Variants in TNIK observed in about 807,000 individuals in gnomAD.
TNIK encodes TRAF2 and NCK interacting kinase.
In TNIK, 49 loss-of-function variants were observed where a neutral mutation model predicts 191.3. That is an observed-to-expected ratio of 0.26 (90% confidence interval 0.20 to 0.32). TNIK has a LOEUF of 0.32. Among genes scored for constraint, TNIK ranks in the 10% least tolerant of loss-of-function variants. The probability of loss-of-function intolerance (pLI) is 1.00; values close to 1 mark genes in which losing one functional copy is unlikely to be tolerated. For synonymous variants in TNIK, 594 were observed against 600.9 expected (o/e 0.99, Z 0.17); for missense variants, 1,155 against 1,702.3 (o/e 0.68, Z 5.66).
intron 1 of TNIK, among the ~76,000 whole-genome samples, chr3:171,428,344 T>A (rs1016721452): frequency 2.0e-5 from 3 of 151,794 alleles, no homozygotes; most frequent in East Asian, 1.9e-4. Flanking sequence ...AAGAGAGGAG[T>A]CAAAGTTACT....
chr3:171,393,267 G>A (rs2108553235), intron 1 of TNIK, among the ~76,000 whole-genome samples: 1 of 152,326 alleles, frequency 6.6e-6, no homozygotes, highest in South Asian at 2.1e-4. Flanking sequence ...CTCGCGGTCA[G>A]TGCAGACCCA....
intron 2 of TNIK, among the ~76,000 whole-genome samples, chr3:171,303,803 G>A (rs1470793936): frequency 6.6e-6 from 1 of 152,164 alleles, no homozygotes; most frequent in Non-Finnish European, 1.5e-5. Flanking sequence ...GACTCCACCT[G>A]TTTTCTGGTG....
chr3:171,369,745 C>A (rs1294791964), intron 1 of TNIK, 60 bp from the exon 2 acceptor site: 9 of 1,363,700 alleles, frequency 6.6e-6, no homozygotes, highest in Middle Eastern at 1.8e-4. Context: ...TTGCCTTAAT[C>A]AAAAGCAAAT....
intron 21 of TNIK, 39 bp from the exon 22 acceptor site, chr3:171,101,672 T>TA (rs1378109405): frequency 6.3e-7 from 1 of 1,597,374 alleles, no homozygotes; most frequent in African/African-American, 1.4e-5. Flanking sequence ...GAGTGGTAGA[T>TA]ACGACCAAAG....
At chr3:171,120,135 C>T (rs1727432555) in intron 18 of TNIK, among the ~76,000 whole-genome samples, 1 of 152,106 alleles carries the variant, frequency 6.6e-6, no homozygotes, top group Non-Finnish European at 1.5e-5. Flanking sequence ...GTCTTCTCTT[C>T]AGGGTACTAA....
At chr3:171,376,111 T>G (rs1021352742) in intron 1 of TNIK, among the ~76,000 whole-genome samples, 2 of 152,220 alleles carry the variant, frequency 1.3e-5, no homozygotes, top group South Asian at 4.1e-4. Context: ...AGCAGCTGTT[T>G]TGTTTGGTTT....
intron 5 of TNIK, among the ~76,000 whole-genome samples, chr3:171,191,452 G>T (rs765170102): frequency 1.1e-4 from 17 of 152,164 alleles, no homozygotes; most frequent in Non-Finnish European, 1.8e-4. Flanking sequence ...TGGCCAGGCT[G>T]GTCTTGAACT....
chr3:171,405,110 T>G (rs573936989), intron 1 of TNIK, among the ~76,000 whole-genome samples: 1 of 152,222 alleles, frequency 6.6e-6, no homozygotes, highest in African/African-American at 2.4e-5. Flanking sequence ...GATGAGGAAA[T>G]GTAGGCAGAG....
chr3:171,421,531 C>T (rs1020457927), intron 1 of TNIK, among the ~76,000 whole-genome samples: 12 of 152,088 alleles, frequency 7.9e-5, no homozygotes, highest in African/African-American at 2.9e-4. Context: ...GTGTGGGTGC[C>T]TGTGGTTGTA....
intron 1 of TNIK, among the ~76,000 whole-genome samples, chr3:171,379,173 T>A (rs1286678094): frequency 1.3e-5 from 2 of 152,208 alleles, no homozygotes; most frequent in African/African-American, 2.4e-5. Flanking sequence ...AAATAATATT[T>A]TCAAAATATA....
chr3:171,185,583 C>G (rs1378863693), intron 7 of TNIK, among the ~76,000 whole-genome samples: 2 of 152,160 alleles, frequency 1.3e-5, no homozygotes, highest in Non-Finnish European at 2.9e-5. Flanking sequence ...AGCCAGCACA[C>G]CCGGCAAATG....
At chr3:171,296,853 T>A (rs963841788) in intron 2 of TNIK, among the ~76,000 whole-genome samples, 1 of 152,204 alleles carries the variant, frequency 6.6e-6, no homozygotes, top group Non-Finnish European at 1.5e-5. Context: ...TTCTCCTCTA[T>A]CAGAGATGAA....
At chr3:171,349,673 T>C (rs1001564945) in intron 2 of TNIK, among the ~76,000 whole-genome samples, 2 of 152,246 alleles carry the variant, frequency 1.3e-5, no homozygotes. Context: ...AAAGTCAGAA[T>C]AATGTTTTAG....
chr3:171,082,228 G>A (rs778211202), intron 27 of TNIK, 23 bp downstream of exon 27: 1 of 1,607,946 alleles, frequency 6.2e-7, no homozygotes, highest in Non-Finnish European at 8.5e-7. Flanking sequence ...GGACCTGGGG[G>A]ACTCATCATC....
intron 3 of TNIK, among the ~76,000 whole-genome samples, chr3:171,221,406 G>A (rs997654222): frequency 6.6e-6 from 1 of 152,086 alleles, no homozygotes; most frequent in Non-Finnish European, 1.5e-5. Context: ...GGCTAACGAA[G>A]GTCTACTCGT....
intron 1 of TNIK, among the ~76,000 whole-genome samples, chr3:171,394,201 G>A (rs1719943265): frequency 6.6e-6 from 1 of 152,216 alleles, no homozygotes; most frequent in South Asian, 2.1e-4. Flanking sequence ...TTTACCTATG[G>A]GTAAGCATGG....
At chr3:171,207,208 T>C (rs1276090358) in intron 4 of TNIK, among the ~76,000 whole-genome samples, 1 of 152,204 alleles carries the variant, frequency 6.6e-6, no homozygotes, top group Non-Finnish European at 1.5e-5. Flanking sequence ...GTGGGGCTTC[T>C]GGATCATAAG....
chr3:171,197,185 C>T (rs1025599941), intron 4 of TNIK, among the ~76,000 whole-genome samples: 4 of 147,200 alleles, frequency 2.7e-5, no homozygotes, highest in Non-Finnish European at 1.5e-5. Context: ...GCTGAGACAA[C>T]TGGATATTCA....
chr3:171,396,106 A>T (rs1720210587), intron 1 of TNIK, among the ~76,000 whole-genome samples: 1 of 151,734 alleles, frequency 6.6e-6, no homozygotes, highest in Admixed American at 6.6e-5. Context: ...CAGACCCCTC[A>T]TCCTCCCACC....
Sources: gnomAD v4.1 joint callset for allele counts (sites outside exome capture counted in the v4.1 genomes callset) on GRCh38, gnomAD v4.1.1 for gene constraint, MANE v1.5 for transcripts, NCBI Gene and HGNC (gene_info 2026-07-23, HGNC 2026-07-21) for gene names.